The following CPQ variants were observed in gnomAD, a reference collection of about 807,000 sequenced individuals.
The protein encoded by CPQ is carboxypeptidase Q, also known as Ser-Met dipeptidase.
CPQ carries 37 observed loss-of-function variants against 45.7 expected under a neutral mutation model. The ratio of observed to expected loss-of-function variants is 0.81; its 90% CI spans 0.62 to 1.07. CPQ has a LOEUF of 1.07. Ranked by LOEUF, CPQ falls within the 50% of genes least tolerant of loss-of-function variation. The pLI is 0.00. For missense variants in CPQ, 537 were observed against 572.9 expected (o/e 0.94, Z 0.64); for synonymous variants, 186 against 205.8 (o/e 0.90, Z 0.82).
chr8:96,706,301 G>A (rs372971659), intron 1 of CPQ, among the ~76,000 whole-genome samples: 9 of 152,032 alleles, frequency 5.9e-5, no homozygotes, highest in African/African-American at 2.2e-4. Context: ...TGTTTTTTTA[G>A]CCTGTGTCTA....
intron 5 of CPQ, among the ~76,000 whole-genome samples, chr8:97,016,045 G>T (rs1046616458): frequency 9.9e-5 from 15 of 151,772 alleles, no homozygotes; most frequent in Middle Eastern, 3.4e-3. Flanking sequence ...AAGATATGTT[G>T]CTATATATTG....
intron 5 of CPQ, among the ~76,000 whole-genome samples, chr8:96,982,608 G>A (rs899467224): frequency 1.3e-5 from 2 of 152,210 alleles, no homozygotes; most frequent in African/African-American, 4.8e-5. Context: ...CTCCCAAAGT[G>A]CTGGGATTAC....
chr8:97,040,877 G>T (rs1445723597), intron 6 of CPQ, among the ~76,000 whole-genome samples: 1 of 152,188 alleles, frequency 6.6e-6, no homozygotes. Context: ...TGCTGTTTGG[G>T]TTACTGTAGC....
chr8:97,108,576 G>A (rs1057346698), intron 7 of CPQ, among the ~76,000 whole-genome samples: 3 of 152,110 alleles, frequency 2.0e-5, no homozygotes, highest in Non-Finnish European at 2.9e-5. Flanking sequence ...TACTGCAATC[G>A]CTTTCTGAAT....
chr8:97,026,596 C>G (rs991649153), intron 5 of CPQ, among the ~76,000 whole-genome samples: 1 of 152,136 alleles, frequency 6.6e-6, no homozygotes, highest in African/African-American at 2.4e-5. Flanking sequence ...ATTTGCTAAC[C>G]CACTGGCTTC....
chr8:96,767,851 C>T (rs1301061446), intron 1 of CPQ, among the ~76,000 whole-genome samples: 1 of 151,952 alleles, frequency 6.6e-6, no homozygotes, highest in East Asian at 1.9e-4. Context: ...CACATGTTGG[C>T]CAGGCTGGTC....
intron 5 of CPQ, among the ~76,000 whole-genome samples, chr8:97,023,489 A>G (rs1392689398): frequency 6.6e-6 from 1 of 152,196 alleles, no homozygotes. Flanking sequence ...AAAAAATAAA[A>G]AATATAATAA....
chr8:96,833,401 A>G (rs1811485091), intron 2 of CPQ, among the ~76,000 whole-genome samples: 2 of 152,212 alleles, frequency 1.3e-5, no homozygotes, highest in Non-Finnish European at 2.9e-5. Flanking sequence ...ATGAAAATTT[A>G]TAGAAATTTG....
intron 7 of CPQ, among the ~76,000 whole-genome samples, chr8:97,125,610 A>C (rs781532646): frequency 8.5e-5 from 13 of 152,316 alleles, no homozygotes; most frequent in South Asian, 2.1e-4. Flanking sequence ...TTACCACATT[A>C]ACATAATAAA....
At chr8:97,083,913 T>A (rs1450465258) in intron 7 of CPQ, among the ~76,000 whole-genome samples, 4 of 152,196 alleles carry the variant, frequency 2.6e-5, no homozygotes, top group Non-Finnish European at 5.9e-5. Flanking sequence ...CAAGTACCTC[T>A]GTAAGCCTCA....
intron 1 of CPQ, among the ~76,000 whole-genome samples, chr8:96,670,123 T>C (rs532301576): frequency 4.1e-4 from 63 of 152,166 alleles, no homozygotes; most frequent in Admixed American, 1.6e-3. Context: ...TTAGGAACAA[T>C]AGGGCTTTAG....
chr8:96,833,247 G>A (rs778514506), intron 2 of CPQ, among the ~76,000 whole-genome samples: 1 of 152,062 alleles, frequency 6.6e-6, no homozygotes, highest in Non-Finnish European at 1.5e-5. Context: ...GGCAACTGTG[G>A]TGTCTAGATT....
intron 4 of CPQ, among the ~76,000 whole-genome samples, chr8:96,891,149 G>A (rs1026803365): frequency 6.6e-6 from 1 of 152,204 alleles, no homozygotes; most frequent in Non-Finnish European, 1.5e-5. Flanking sequence ...GCCATAGAGT[G>A]AGTGTCTTGG....
intron 3 of CPQ, among the ~76,000 whole-genome samples, chr8:96,864,617 C>CTTAT (rs5893400): frequency 1.3e-5 from 2 of 151,404 alleles, no homozygotes; most frequent in Non-Finnish European, 2.9e-5. Context: ...CCAAAAGGGT[C>CTTAT]ACAAACCAGG....
chr8:96,847,872 T>G (rs1213282117), intron 3 of CPQ, among the ~76,000 whole-genome samples: 4 of 147,662 alleles, frequency 2.7e-5, no homozygotes, highest in Non-Finnish European at 6.0e-5. Flanking sequence ...GCAGCTCTGA[T>G]GTTGAGGAGT....
At chr8:96,719,231 G>T (rs962401839) in intron 1 of CPQ, among the ~76,000 whole-genome samples, 1 of 152,238 alleles carries the variant, frequency 6.6e-6, no homozygotes, top group South Asian at 2.1e-4. Context: ...GCCCTGCCCC[G>T]CAGGAAGGCA....
intron 1 of CPQ, among the ~76,000 whole-genome samples, chr8:96,763,701 G>C (rs1810433871): frequency 6.6e-6 from 1 of 151,554 alleles, no homozygotes; most frequent in Non-Finnish European, 1.5e-5. Context: ...ATAATAAGAA[G>C]GTAACCTAAT....
intron 1 of CPQ, among the ~76,000 whole-genome samples, chr8:96,714,803 C>T (rs1586369741): frequency 6.6e-6 from 1 of 151,924 alleles, no homozygotes. Context: ...TTTGATTCTA[C>T]TGTGTTTTCT....
At position 96,941,179 on chromosome 8, in the gene CPQ, G is replaced by GTGC. The variant is rs951290332; in HGVS notation, c.850-24733_850-24731dup. ...TGTGGGTACTACATGGAGTGCCCTG[G>GTGC]TGCTGCTGCTGCTGCTGCTGCTGCT... is the stretch of plus-strand genomic sequence containing the variant. On this transcript the variant is annotated intron_variant, in intron 4 of 7. Transcript: ENST00000220763. Among the ~76,000 whole-genome samples the GTGC allele has an allele frequency of 3.9e-4, 60 of 151,956 alleles. 1 individual carries two copies. The highest frequency in any genetic ancestry group is 6.2e-4 in the South Asian group (3 of 4,814).
Sources: gnomAD v4.1 joint callset for allele counts (sites outside exome capture counted in the v4.1 genomes callset) on GRCh38, gnomAD v4.1.1 for gene constraint, MANE v1.5 for transcripts, NCBI Gene and HGNC (gene_info 2026-07-23, HGNC 2026-07-21) for gene names.